Variants in RELN observed in about 807,000 individuals in gnomAD.
The protein encoded by RELN is reelin.
A neutral mutation model predicts 427.6 loss-of-function variants in RELN; 108 were observed. That is an observed-to-expected ratio of 0.25 (90% CI 0.22 to 0.30). The LOEUF is 0.30. Ranked by LOEUF, RELN falls within the 10% of genes least tolerant of loss-of-function variation. RELN has a pLI of 1.00. For missense variants in RELN, 3,715 were observed against 4,302.8 expected (o/e 0.86, Z 3.82); for synonymous variants, 1,524 against 1,513.4 (o/e 1.01, Z -0.16).
chr7:103,803,176 T>C (rs550412707), intron 3 of RELN, among the ~76,000 whole-genome samples: 12 of 152,186 alleles, frequency 7.9e-5, no homozygotes, highest in African/African-American at 2.9e-4. Flanking sequence ...ACTAAAATAC[T>C]CCACCTTTAC....
chr7:103,668,842 A>G (rs1833328080), intron 11 of RELN, among the ~76,000 whole-genome samples: 1 of 152,174 alleles, frequency 6.6e-6, no homozygotes, highest in African/African-American at 2.4e-5. Flanking sequence ...CCACAAAGCA[A>G]GTTAAGGTTA....
chr7:103,798,880 C>T lies in RELN; in HGVS notation c.474-22253G>A, dbSNP rs144965773. Among the ~76,000 whole-genome samples the T allele has an allele frequency of 2.3e-3, 351 of 152,282 alleles. 2 individuals carry two copies. Among genetic ancestry groups the T allele is most frequent in the African/African-American group, 7.6e-3 (316 of 41,546 alleles). ...TTTAGCTCCAAACCAGCCTTCCTCC[C>T]GCTTCTGTGTTAGCTACCAAAATTT... On this transcript the variant is annotated intron_variant, in intron 3 of 64. Transcript: ENST00000428762.
At chr7:103,934,768 C>T (rs1414294285) in intron 1 of RELN, among the ~76,000 whole-genome samples, 1 of 152,204 alleles carries the variant, frequency 6.6e-6, no homozygotes, top group Non-Finnish European at 1.5e-5. Context: ...GCAAAGGGCA[C>T]TTCACTGATG....
intron 22 of RELN, among the ~76,000 whole-genome samples, chr7:103,608,563 T>C (rs548930138): frequency 6.6e-6 from 1 of 152,296 alleles, no homozygotes; most frequent in South Asian, 2.1e-4. Context: ...AGATACTTTA[T>C]AATAAAACAT....
chr7:103,962,646 TTGTGTG>T (rs57782980), intron 1 of RELN, among the ~76,000 whole-genome samples: 55,673 of 149,664 alleles, frequency 0.37, 12,299 homozygotes, highest in African/African-American at 0.63. Flanking sequence ...TCCAAAGTTG[TTGTGTG>T]TGTGTGTGTG....
intron 3 of RELN, among the ~76,000 whole-genome samples, chr7:103,786,839 G>A (rs994319230): frequency 7.9e-5 from 12 of 152,094 alleles, no homozygotes; most frequent in Admixed American, 4.6e-4. Flanking sequence ...ACTCAGTCCT[G>A]GACCAAGCGG....
chr7:103,987,009 GGAAAA>G (rs1797114487), intron 1 of RELN, among the ~76,000 whole-genome samples: 1 of 141,958 alleles, frequency 7.0e-6, no homozygotes, highest in African/African-American at 2.6e-5. Flanking sequence ...AAGCCTAAAA[GGAAAA>G]GAGACATACA....
intron 46 of RELN, among the ~76,000 whole-genome samples, chr7:103,532,126 AT>A (rs1294014606): frequency 9.2e-6 from 1 of 109,118 alleles, no homozygotes; most frequent in South Asian, 4.2e-4. Context: ...AGGAATGAGA[AT>A]CATGTCCTTT....
At chr7:103,796,314 G>A (rs1011481117) in intron 3 of RELN, among the ~76,000 whole-genome samples, 14 of 152,196 alleles carry the variant, frequency 9.2e-5, no homozygotes, top group Admixed American at 5.9e-4. Context: ...TGTGACCTTA[G>A]TTCTTCTTAA....
intron 11 of RELN, among the ~76,000 whole-genome samples, chr7:103,667,390 G>A (rs768903351): frequency 6.6e-6 from 1 of 152,160 alleles, no homozygotes; most frequent in Non-Finnish European, 1.5e-5. Context: ...ATTTTTAAAT[G>A]TAGTCTGGTT....
intron 4 of RELN, among the ~76,000 whole-genome samples, chr7:103,759,848 C>T (rs77770234): frequency 0.017 from 2,512 of 152,108 alleles, 82 homozygotes; most frequent in African/African-American, 0.056. Context: ...TTTATCCTTA[C>T]GACAGTTTCT....
At position 103,554,885 on chromosome 7, in the gene RELN, C is replaced by A. The variant is rs1170934620; in HGVS notation, c.5798-1054G>T. 3.9e-5 allele frequency among the ~76,000 whole-genome samples: 6 copies of A among 152,250 alleles called. No homozygotes were observed. The East Asian group carries it at 5.8e-4, about 15-fold the overall frequency. On this transcript the variant is annotated intron_variant, in intron 38 of 64. Transcript: ENST00000428762. Reference sequence around the variant, plus strand: ...AGCAATTCATGCTTTTTAGGGCCAACCCATGGCTTAGCACCATACTTCAGT... The same window carrying A: ...AGCAATTCATGCTTTTTAGGGCCAAACCATGGCTTAGCACCATACTTCAGT...
chr7:103,629,964 T>C lies in RELN; in HGVS notation c.2678A>G (p.Tyr893Cys), dbSNP rs764903537. Reference protein sequence around the residue: ...LGFYLGNVQPYCGHDWTLCFT... With the variant: ...LGFYLGNVQPCCGHDWTLCFT... ...CCAAAGGGTCCAGTCGTGGCCACAG[T>C]ATGGCTGAACATTTCCAAGGTAGAA... is the stretch of plus-strand genomic sequence containing the variant. Residue 893 changes from tyrosine to cysteine, a missense_variant, in exon 20 of 65, where the codon TAC (tyrosine) becomes TGC (cysteine). Physicochemically the swap from Tyr to Cys is radical, Grantham distance 194. Around this residue, in one of 4 missense-constraint regions of RELN, gnomAD observed 2,208 missense variants for 2,361.7 expected, o/e 0.93. Transcript: ENST00000428762. 1.9e-6 allele frequency: 3 copies of C among 1,612,140 alleles called. No individual in the cohort carries two copies. The highest frequency in any genetic ancestry group is 1.1e-5 in the South Asian group (1 of 91,042).
At chr7:103,885,696 C>G (rs1342761971) in intron 2 of RELN, among the ~76,000 whole-genome samples, 1 of 152,120 alleles carries the variant, frequency 6.6e-6, no homozygotes, top group Admixed American at 6.6e-5. Context: ...ATGTAACAAA[C>G]CTGCACGTTC....
At chr7:103,635,662 T>C in intron 18 of RELN, 76 bp from the exon 19 acceptor site, 1 of 1,295,282 alleles carries the variant, frequency 7.7e-7, no homozygotes, top group Non-Finnish European at 1.1e-6. Flanking sequence ...CTTTAAAGAA[T>C]TTCAAATTAT....
At chr7:103,583,600 T>C (rs191103031) in intron 28 of RELN, among the ~76,000 whole-genome samples, 1 of 152,328 alleles carries the variant, frequency 6.6e-6, no homozygotes, top group East Asian at 1.9e-4. Flanking sequence ...CACCCATCCT[T>C]TCCACAAGGA....
chr7:103,787,853 A>G (rs1273844380), intron 3 of RELN, among the ~76,000 whole-genome samples: 1 of 152,164 alleles, frequency 6.6e-6, no homozygotes, highest in Non-Finnish European at 1.5e-5. Flanking sequence ...CATCATCCTA[A>G]TACCAAAACC....
At chr7:103,639,482 C>T (rs1370632847) in intron 17 of RELN, among the ~76,000 whole-genome samples, 1 of 151,450 alleles carries the variant, frequency 6.6e-6, no homozygotes, top group Admixed American at 6.6e-5. Flanking sequence ...TCACTGCAAC[C>T]TCTACCTCCC....
intron 1 of RELN, among the ~76,000 whole-genome samples, chr7:103,955,147 C>T (rs759223074): frequency 8.5e-5 from 13 of 152,120 alleles, no homozygotes; most frequent in Non-Finnish European, 1.3e-4. Flanking sequence ...CAACCTTAAA[C>T]GAAAATCATA....
Sources: gnomAD v4.1 joint callset for allele counts (sites outside exome capture counted in the v4.1 genomes callset) on GRCh38, gnomAD v4.1.1 for gene constraint, gnomAD v4.1.1 regional missense constraint, MANE v1.5 for transcripts, NCBI Gene and HGNC (gene_info 2026-07-23, HGNC 2026-07-21) for gene names.